MFAP3L: variants seen among roughly 807,000 people sequenced by gnomAD.
The protein encoded by MFAP3L is microfibrillar-associated protein 3-like.
MFAP3L carries 5 observed loss-of-function variants against 20.0 expected under a neutral mutation model. The observed-to-expected ratio is 0.25, with a 90% CI of 0.13 to 0.53. The LOEUF (loss-of-function observed/expected upper bound fraction) is 0.53. Among genes scored for constraint, MFAP3L ranks in the 20% least tolerant of loss-of-function variants. The pLI is 0.96. For missense variants in MFAP3L, 409 were observed against 527.5 expected, an observed-to-expected ratio of 0.78 and a Z score of 2.20; for synonymous variants, 219 against 213.0, an observed-to-expected ratio of 1.03 and a Z score of -0.25.
chr4:170,026,255 G>C lies in MFAP3L; in HGVS notation c.-155C>G. 1 of 984,550 alleles carries C rather than the reference G, an allele frequency of 1.0e-6. No individual in the cohort carries two copies. The highest frequency in any genetic ancestry group is 1.2e-6 in the Non-Finnish European group (1 of 829,676). The allele number at this position is 984,550 out of a possible 1,614,324, so 61.0% of individuals were successfully genotyped here. A position where few individuals can be genotyped will look rare whatever the true frequency, so the allele number is the denominator to read the frequency against. ...TAACCTGACACCGCCGCGCCACTCA[G>C]GTGGCCGCCGTGCACCCCTCGCCAT... is the stretch of plus-strand genomic sequence containing the variant. On this transcript the variant is annotated 5_prime_UTR_variant, in exon 1 of 3. Coordinates refer to ENST00000361618, the MANE Select transcript of MFAP3L (RefSeq NM_021647.8).
intron 1 of MFAP3L, 54 bp downstream of exon 1, chr4:170,026,180 G>A: frequency 1.0e-6 from 1 of 961,772 alleles, no homozygotes; most frequent in South Asian, 4.8e-5. Context: ...CCCGGTGCGG[G>A]GCTGGCTCCC....
At chr4:170,026,696 G>T (rs542136805), upstream of MFAP3L, among the ~76,000 whole-genome samples, 16 of 152,312 alleles carry the variant, frequency 1.1e-4, no homozygotes, top group African/African-American at 3.8e-4. Flanking sequence ...GGCCTCCGCG[G>T]CAGCGCGGGA....
rs574424013 is a variant in MFAP3L at position 169,998,162 on chromosome 4, C to CG, written c.299-5854dup. ...CGGGAAGGCAGCTGACCTGGGACCACGGTGCTCGCCATGGTGGCATGCCCA... is the reference window on the plus strand; with the variant it reads ...CGGGAAGGCAGCTGACCTGGGACCACGGGTGCTCGCCATGGTGGCATGCCCA... On this transcript the variant is annotated intron_variant, in intron 2 of 2. Transcript: ENST00000361618. Among the ~76,000 whole-genome samples the CG allele has an allele frequency of 3.5e-3, 528 of 152,352 alleles. 5 individuals are homozygous for CG. Among genetic ancestry groups the CG allele is most frequent in the African/African-American group, 0.012 (510 of 41,584 alleles).
Position 170,005,583 on chromosome 4 carries a change from C to T in MFAP3L, c.295G>A (p.Gly99Arg). Residue 99 changes from glycine to arginine, a missense_variant, in exon 2 of 3, where the codon GGA becomes AGA. Around this residue, in one of 3 missense-constraint regions of MFAP3L, gnomAD observed 113 missense variants for 131.1 expected, o/e 0.86. Transcript: ENST00000361618. ...KEEEDEKERG[G>R]GKWQMHDSGL... ...TTGATACAACTTTAAAGCCTACCTC[C>T]TCCTCTCTCCTTCTCATCCTCTTCT... 2 of 1,613,202 alleles carry T rather than the reference C, an allele frequency of 1.2e-6. No individual in the cohort carries two copies. The highest frequency in any genetic ancestry group is 1.7e-6 in the Non-Finnish European group (2 of 1,179,194).
intron 1 of MFAP3L, among the ~76,000 whole-genome samples, chr4:170,012,330 C>G (rs923506790): frequency 1.3e-5 from 2 of 152,144 alleles, no homozygotes; most frequent in African/African-American, 4.8e-5. Context: ...ACCAGTGGCA[C>G]CTATGATTAT....
chr4:170,013,210 A>G (rs1362348176), intron 1 of MFAP3L, among the ~76,000 whole-genome samples: 1 of 152,220 alleles, frequency 6.6e-6, no homozygotes, highest in Admixed American at 6.5e-5. Flanking sequence ...TAAATTGCCC[A>G]GGGTCATCAA....
At chr4:170,016,937 C>A (rs1273808755) in intron 1 of MFAP3L, among the ~76,000 whole-genome samples, 1 of 152,064 alleles carries the variant, frequency 6.6e-6, no homozygotes, top group African/African-American at 2.4e-5. Context: ...GAAGACGAGG[C>A]GGAGATGCCA....
At chr4:170,009,166 C>G (rs1025720300) in intron 1 of MFAP3L, among the ~76,000 whole-genome samples, 2 of 151,870 alleles carry the variant, frequency 1.3e-5, no homozygotes, top group Non-Finnish European at 2.9e-5. Context: ...AGGCGGATCA[C>G]GAGGTCAGGA....
At position 169,991,988 on chromosome 4, in the gene MFAP3L, C is replaced by T. The variant is rs1055702833; in HGVS notation, c.620G>A (p.Arg207His). The T allele has an allele frequency of 6.2e-7, 1 of 1,614,154 alleles. No homozygotes were observed. Among genetic ancestry groups the T allele is most frequent in the Non-Finnish European group, 8.5e-7 (1 of 1,180,038 alleles). Residue 207 changes from arginine to histidine, a missense_variant, in exon 3 of 3, where the codon CGC becomes CAC. Around this residue, in one of 3 missense-constraint regions of MFAP3L, gnomAD observed 127 missense variants for 218.1 expected, o/e 0.58. Transcript: ENST00000361618. This position sits in a 1 kb window ranked among gnomAD's most constrained non-coding sequence, Gnocchi z 4.9. ...KLQKAFEIAKRIPIITSAKTL... is the reference protein window; with the variant it reads ...KLQKAFEIAKHIPIITSAKTL... ...TTTGGCGGAGGTGATGATGGGGATG[C>T]GCTTGGCGATCTCAAATGCCTTCTG...
chr4:169,993,593 C>T (rs1348430882), intron 2 of MFAP3L: 2 of 152,040 alleles, frequency 1.3e-5, no homozygotes, highest in African/African-American at 4.8e-5. Context: ...CCTGTTTTCC[C>T]GCAGTGTCCT....
At chr4:169,993,043 A>G (rs551916682) in intron 2 of MFAP3L, among the ~76,000 whole-genome samples, 2 of 152,374 alleles carry the variant, frequency 1.3e-5, no homozygotes, top group African/African-American at 4.8e-5. Flanking sequence ...AATAAGCTTG[A>G]CACGAAGGAG....
At chr4:170,020,878 C>T (rs1332848934) in intron 1 of MFAP3L, among the ~76,000 whole-genome samples, 4 of 152,000 alleles carry the variant, frequency 2.6e-5, no homozygotes, top group Admixed American at 6.6e-5. Context: ...TTCCTATTTT[C>T]GCTATAATTA....
intron 2 of MFAP3L, chr4:170,005,334 C>G: frequency 1.8e-6 from 1 of 558,072 alleles, no homozygotes; most frequent in Non-Finnish European, 3.1e-6. Context: ...TATTATATTA[C>G]AAAATTCCAA....
chr4:170,011,869 A>G (rs767038669), intron 1 of MFAP3L, among the ~76,000 whole-genome samples: 1 of 152,240 alleles, frequency 6.6e-6, no homozygotes, highest in Non-Finnish European at 1.5e-5. Flanking sequence ...GAAGTACCCA[A>G]GTGGACCAGG....
intron 2 of MFAP3L, among the ~76,000 whole-genome samples, chr4:169,998,352 C>T (rs1738356399): frequency 6.6e-6 from 1 of 152,228 alleles, no homozygotes; most frequent in Non-Finnish European, 1.5e-5. Flanking sequence ...CAGATGACAA[C>T]ATCAGAACTA....
intron 1 of MFAP3L, among the ~76,000 whole-genome samples, chr4:170,007,194 T>C (rs561968181): frequency 2.0e-4 from 31 of 152,184 alleles, no homozygotes; most frequent in Non-Finnish European, 3.7e-4. Context: ...TAGATTTCCA[T>C]AAACCCCACT....
intron 2 of MFAP3L, among the ~76,000 whole-genome samples, chr4:170,001,233 G>A (rs144424977): frequency 3.0e-4 from 46 of 152,254 alleles, no homozygotes; most frequent in African/African-American, 1.1e-3. Flanking sequence ...GTCCCTTGCA[G>A]AACTAGTTAA....
intron 2 of MFAP3L, among the ~76,000 whole-genome samples, chr4:169,996,444 G>A (rs1363883514): frequency 1.3e-5 from 2 of 152,140 alleles, no homozygotes; most frequent in Admixed American, 1.3e-4. Context: ...CCAGTTCCAA[G>A]AGAAAAACAG....
intron 1 of MFAP3L, among the ~76,000 whole-genome samples, chr4:170,012,137 T>C (rs1187891941): frequency 4.6e-5 from 7 of 152,124 alleles, no homozygotes; most frequent in Non-Finnish European, 1.0e-4. Flanking sequence ...TTGATCCTCA[T>C]ATGGCTGCGA....
Sources: gnomAD v4.1 joint callset for allele counts (sites outside exome capture counted in the v4.1 genomes callset) on GRCh38, gnomAD v4.1.1 for gene constraint, gnomAD v4.1.1 regional missense constraint, Gnocchi (gnomAD v3.1) non-coding constraint, MANE v1.5 for transcripts, NCBI Gene and HGNC (gene_info 2026-07-23, HGNC 2026-07-21) for gene names.